KALRN: variants seen among roughly 807,000 people sequenced by gnomAD.
KALRN encodes kalirin.
Under a neutral mutation model 353.7 loss-of-function variants are expected in KALRN, and 70 were observed. The observed-to-expected ratio is 0.20, with a 90% CI of 0.16 to 0.24. KALRN has a LOEUF of 0.24. Among genes scored for constraint, KALRN ranks in the 10% least tolerant of loss-of-function variants. The pLI is 1.00. For synonymous variants in KALRN, 1,391 were observed against 1,434.8 expected, an observed-to-expected ratio of 0.97 and a Z score of 0.69; for missense variants, 2,791 against 3,756.7, an observed-to-expected ratio of 0.74 and a Z score of 6.72.
At chr3:124,693,255 A>G (rs964969376) in intron 51 of KALRN, among the ~76,000 whole-genome samples, 4 of 135,976 alleles carry the variant, frequency 2.9e-5, no homozygotes, top group Non-Finnish European at 4.8e-5. Flanking sequence ...CATCCAGAGA[A>G]GCTCTGTTGT....
intron 1 of KALRN, among the ~76,000 whole-genome samples, chr3:124,151,317 C>T (rs1306444470): frequency 1.3e-5 from 2 of 152,172 alleles, no homozygotes; most frequent in African/African-American, 4.8e-5. Flanking sequence ...GAACACTTCC[C>T]ATTGTTTCAT....
intron 1 of KALRN, among the ~76,000 whole-genome samples, chr3:124,046,109 G>A (rs2040454374): frequency 6.6e-6 from 1 of 152,186 alleles, no homozygotes; most frequent in Non-Finnish European, 1.5e-5. Context: ...TTTTATGCAT[G>A]TATATTATTC....
rs763277006 is a variant in KALRN, at chr3:124,632,590, G to T, written c.5353G>T (p.Ala1785Ser). The T allele has an allele frequency of 1.9e-6, 3 of 1,614,176 alleles. No individual in the cohort carries two copies. In the Admixed American group the frequency reaches 5.0e-5, roughly 27 times the overall value. The change falls in exon 35 of 60, where the codon GCA becomes TCA. Residue 1785 changes from alanine to serine, a missense_variant. Transcript: ENST00000682506. ...TGTGCGTCGGCTTAACAGCGGGAAG[G>T]CAGATGGAAACATCAAAAAGCAGAA... ...SPVRRLNSGK[A>S]DGNIKKQKKV...
Position 124,697,955 on chromosome 3 carries a change from A to G in KALRN, c.7831+231A>G, listed in dbSNP as rs150833123. 8.2e-4 allele frequency among the ~76,000 whole-genome samples: 123 copies of G among 150,684 alleles called. No individual in the cohort carries two copies. The Middle Eastern group carries it at 0.014, about 17-fold the overall frequency. On this transcript the variant is annotated intron_variant, in intron 55 of 59. Transcript: ENST00000682506. ...GGGATTACAGGCATGAGCCACTTTT[A>G]TTTTCCTTTATTTTTATTGTTTATT...
intron 13 of KALRN, among the ~76,000 whole-genome samples, chr3:124,410,881 G>A (rs2092091635): frequency 6.6e-6 from 1 of 152,190 alleles, no homozygotes; most frequent in African/African-American, 2.4e-5. Context: ...TATGTCCACA[G>A]AAAGACTTCT....
intron 14 of KALRN, among the ~76,000 whole-genome samples, chr3:124,420,977 G>A (rs1423084174): frequency 6.6e-6 from 1 of 152,166 alleles, no homozygotes; most frequent in East Asian, 1.9e-4. Context: ...GATCCCCATG[G>A]AAGTATACTA....
intron 24 of KALRN, 152 bp downstream of exon 24, chr3:124,462,108 A>G (rs944842547): frequency 1.5e-6 from 1 of 645,904 alleles, no homozygotes; most frequent in East Asian, 2.7e-5. Context: ...CCTAAAGTCA[A>G]CAATAATTAC....
intron 34 of KALRN, among the ~76,000 whole-genome samples, chr3:124,581,745 C>CATAG (rs1199810776): frequency 4.6e-5 from 7 of 152,244 alleles, no homozygotes; most frequent in Admixed American, 4.6e-4. Flanking sequence ...AACCTTGGAC[C>CATAG]ATAGCATCCA....
intron 34 of KALRN, among the ~76,000 whole-genome samples, chr3:124,579,694 G>C (rs1022512860): frequency 6.6e-5 from 10 of 152,112 alleles, no homozygotes; most frequent in Non-Finnish European, 1.3e-4. Flanking sequence ...TTCATTCTCG[G>C]AGAGCTTCTT....
chr3:124,425,759 A>G (rs1379130505), intron 15 of KALRN, among the ~76,000 whole-genome samples: 1 of 152,200 alleles, frequency 6.6e-6, no homozygotes, highest in Non-Finnish European at 1.5e-5. Context: ...CGCCGATATT[A>G]AAATAGAAAT....
Position 124,413,629 on chromosome 3 carries a change from G to C in KALRN, c.2506G>C (p.Asp836His). 6.2e-7 allele frequency: 1 copy of C among 1,614,136 alleles called. No individual in the cohort carries two copies. The highest frequency in any genetic ancestry group is 8.5e-7 in the Non-Finnish European group (1 of 1,180,010). Reference sequence around the variant, plus strand: ...CTTTGAGGTTATCCAGCAGGGACAGGATCTGCACCAGTACATCACGGAGGT... The same window carrying C: ...CTTTGAGGTTATCCAGCAGGGACAGCATCTGCACCAGTACATCACGGAGGT... ...MTFEVIQQGQ[D>H]LHQYITEVQA... Residue 836 changes from aspartate (D) to histidine (H), a missense_variant, in exon 14 of 60, where the codon GAT becomes CAT. Around this residue, in one of 11 missense-constraint regions of KALRN, gnomAD observed 452 missense variants for 575.8 expected, o/e 0.78. Coordinates refer to ENST00000682506, the MANE Select transcript of KALRN (RefSeq NM_001388419.1).
At chr3:124,206,029 A>C (rs1164198030) in intron 1 of KALRN, among the ~76,000 whole-genome samples, 1 of 152,214 alleles carries the variant, frequency 6.6e-6, no homozygotes, top group African/African-American at 2.4e-5. Flanking sequence ...TGAGGTAGAG[A>C]TAGAAAGCAA....
rs552269346 is a variant in KALRN, at chr3:124,591,352, G to A, written c.5182+28263G>A. 3.9e-5 allele frequency among the ~76,000 whole-genome samples: 6 copies of A among 152,002 alleles called. No individual in the cohort carries two copies. In the South Asian group the frequency reaches 8.3e-4, roughly 21 times the overall value. ...AAGGCCTCACTGTGTTGCCCAAGCC[G>A]GTCTTGAACTTCTGGACACAAGCAA... On this transcript the variant is annotated intron_variant, in intron 34 of 59. Transcript: ENST00000682506.
intron 13 of KALRN, among the ~76,000 whole-genome samples, chr3:124,402,765 G>A (rs544116423): frequency 6.6e-6 from 1 of 152,062 alleles, no homozygotes; most frequent in African/African-American, 2.4e-5. Flanking sequence ...GAGAGGTTTA[G>A]TTTTTTCATT....
chr3:124,518,895 T>C (rs1026399153), intron 33 of KALRN: 3 of 1,014,774 alleles, frequency 3.0e-6, no homozygotes, highest in East Asian at 9.1e-5. Flanking sequence ...AACATTTCTA[T>C]TATCAGTGGC....
At chr3:124,369,439 T>A (rs553042817) in intron 10 of KALRN, among the ~76,000 whole-genome samples, 1 of 152,336 alleles carries the variant, frequency 6.6e-6, no homozygotes, top group African/African-American at 2.4e-5. Flanking sequence ...CTTGCACATC[T>A]TTCTCTTTTT....
At chr3:124,181,099 A>AAAAAAAAAAAAT (rs1486531431) in intron 1 of KALRN, among the ~76,000 whole-genome samples, 5 of 150,112 alleles carry the variant, frequency 3.3e-5, no homozygotes, top group African/African-American at 1.2e-4. Flanking sequence ...AAAAAAAAAA[A>AAAAAAAAAAAAT]AATTAGCCAG....
intron 1 of KALRN, among the ~76,000 whole-genome samples, chr3:124,189,172 C>G (rs1473482274): frequency 6.6e-6 from 1 of 152,126 alleles, no homozygotes. Context: ...TGTCAGAGAC[C>G]GTGGAGAACT....
intron 10 of KALRN, among the ~76,000 whole-genome samples, chr3:124,363,402 A>T (rs1438362910): frequency 1.3e-5 from 2 of 152,194 alleles, no homozygotes; most frequent in Non-Finnish European, 2.9e-5. Flanking sequence ...CCCCACCTAT[A>T]TGTACAGCTC....
Sources: gnomAD v4.1 joint callset for allele counts (sites outside exome capture counted in the v4.1 genomes callset) on GRCh38, gnomAD v4.1.1 for gene constraint, gnomAD v4.1.1 regional missense constraint, MANE v1.5 for transcripts, NCBI Gene and HGNC (gene_info 2026-07-23, HGNC 2026-07-21) for gene names.